LNX1: variants seen among roughly 807,000 people sequenced by gnomAD.
The protein encoded by LNX1 is ligand of numb-protein X 1.
A neutral mutation model predicts 68.4 loss-of-function variants in LNX1; 54 were observed. That is an observed-to-expected ratio of 0.79 (90% CI 0.63 to 0.99). LNX1 has a LOEUF of 0.99. Among genes scored for constraint, LNX1 ranks in the 50% least tolerant of loss-of-function variants. The probability of loss-of-function intolerance (pLI) is 0.00; values close to 1 mark genes in which losing one functional copy is unlikely to be tolerated. For synonymous variants in LNX1, 336 were observed against 350.0 expected (o/e 0.96, Z 0.45); for missense variants, 906 against 926.4 (o/e 0.98, Z 0.29).
At position 53,496,481 on chromosome 4, in the gene LNX1, C is replaced by T. The variant is rs986075190; in HGVS notation, c.979-87G>A. 2.0e-6 allele frequency: 3 copies of T among 1,466,638 alleles called. No individual in the cohort carries two copies. In the African/African-American group the frequency reaches 4.2e-5, roughly 21 times the overall value. 90.9% of individuals were successfully genotyped at this position (1,466,638 alleles called of 1,614,324 possible). ...CCAGGCCCACAGAAAAGCCAGGATC[C>T]TGTCTTTAAAGACTGCTCTGCTCTC... On this transcript the variant is annotated intron_variant, in intron 5 of 10. Coordinates refer to ENST00000263925, the MANE Select transcript of LNX1 (RefSeq NM_001126328.3).
chr4:53,626,223 G>T (rs1341566361), intron 1 of LNX1, among the ~76,000 whole-genome samples: 1 of 152,090 alleles, frequency 6.6e-6, no homozygotes, highest in Non-Finnish European at 1.5e-5. Context: ...TCGTTTTCAA[G>T]GACTGAGCAG....
chr4:53,608,219 C>A (rs1253296134), intron 2 of LNX1, among the ~76,000 whole-genome samples: 2 of 152,238 alleles, frequency 1.3e-5, no homozygotes, highest in East Asian at 3.9e-4. Context: ...AACTGTGCAT[C>A]CTACAAATGT....
chr4:53,496,499 C>G (rs1386850559), intron 5 of LNX1, 105 bp from the exon 6 acceptor site: 15 of 1,357,078 alleles, frequency 1.1e-5, no homozygotes, highest in African/African-American at 1.5e-5. Flanking sequence ...AAAGACTGCT[C>G]TGCTCTCCCA....
chr4:53,514,801 G>A (rs548862005), intron 2 of LNX1, among the ~76,000 whole-genome samples: 1 of 152,270 alleles, frequency 6.6e-6, no homozygotes, highest in Admixed American at 6.5e-5. Flanking sequence ...TACCATCTCT[G>A]TACTCAGACT....
intron 2 of LNX1, among the ~76,000 whole-genome samples, chr4:53,605,021 G>A (rs1197951611): frequency 3.3e-5 from 5 of 152,120 alleles, no homozygotes; most frequent in African/African-American, 9.7e-5. Flanking sequence ...CTTGGAGTCC[G>A]CATTAGCATA....
At chr4:53,513,617 A>T (rs1193139569) in intron 2 of LNX1, among the ~76,000 whole-genome samples, 1 of 152,222 alleles carries the variant, frequency 6.6e-6, no homozygotes, top group Non-Finnish European at 1.5e-5. Flanking sequence ...TCTCAGATTC[A>T]TCCTTGATTT....
At chr4:53,600,834 G>A (rs1732970358) in intron 2 of LNX1, among the ~76,000 whole-genome samples, 3 of 150,548 alleles carry the variant, frequency 2.0e-5, no homozygotes, top group African/African-American at 7.3e-5. Flanking sequence ...GGGTTCAAGC[G>A]ATTTTCCTGC....
At chr4:53,541,694 C>T (rs1056973617) in intron 2 of LNX1, among the ~76,000 whole-genome samples, 8 of 151,940 alleles carry the variant, frequency 5.3e-5, no homozygotes, top group Non-Finnish European at 8.8e-5. Context: ...CAAAACAGAA[C>T]GACTTAATAC....
At chr4:53,524,404 T>C (rs1250502533) in intron 2 of LNX1, 2 of 152,210 alleles carry the variant, frequency 1.3e-5, no homozygotes, top group Non-Finnish European at 2.9e-5. Flanking sequence ...TCTATCACTT[T>C]TAATACTCGC....
intron 4 of LNX1, among the ~76,000 whole-genome samples, chr4:53,505,529 G>C (rs1422075368): frequency 1.3e-5 from 2 of 152,164 alleles, no homozygotes; most frequent in Non-Finnish European, 2.9e-5. Flanking sequence ...TGGGATTACA[G>C]GAGTAAGCCA....
Position 53,576,083 on chromosome 4 carries a change from G to A in LNX1, c.-86-1995C>T, listed in dbSNP as rs192710259. ...CTCTGCATCCCCCAAGACCTGGTCG[G>A]GGACTTGGCCAGCGTGGTATTTGGG... On this transcript the variant is annotated intron_variant, in intron 1 of 10. Coordinates refer to ENST00000263925, the MANE Select transcript of LNX1 (RefSeq NM_001126328.3). 3.0e-4 allele frequency: 463 copies of A among 1,553,628 alleles called. 1 individual carries two copies. The East Asian group carries it at 9.2e-3, about 31-fold the overall frequency.
chr4:53,539,674 C>G (rs769353726), intron 2 of LNX1, among the ~76,000 whole-genome samples: 44 of 152,352 alleles, frequency 2.9e-4, no homozygotes, highest in Admixed American at 7.8e-4. Context: ...TTTGTTCTAA[C>G]TTGTTTAATG....
intron 2 of LNX1, among the ~76,000 whole-genome samples, chr4:53,509,663 C>G (rs1023504990): frequency 2.0e-5 from 3 of 152,186 alleles, no homozygotes; most frequent in African/African-American, 7.2e-5. Context: ...TTAAAGTCGT[C>G]ATGGTATCTA....
At position 53,498,774 on chromosome 4, in the gene LNX1, G is replaced by A. The variant is rs1725260047; in HGVS notation, c.845C>T (p.Pro282Leu). The A allele has an allele frequency of 6.2e-7, 1 of 1,614,012 alleles. No individual in the cohort carries two copies. The highest frequency in any genetic ancestry group is 8.5e-7 in the Non-Finnish European group (1 of 1,179,924). Residue 282 changes from proline (P) to leucine (L), a missense_variant, in exon 5 of 11, where the codon CCC becomes CTC. Physicochemically the swap from Pro to Leu is moderately conservative, Grantham distance 98 (BLOSUM62 -3). Coordinates refer to ENST00000263925, the MANE Select transcript of LNX1 (RefSeq NM_001126328.3). ...ITSIKINRVDPSESLSIRLVG... is the reference protein window; with the variant it reads ...ITSIKINRVDLSESLSIRLVG... ...CAGCCTAATAGAGAGGCTTTCACTGGGATCTACTCGATTGATCTTGATGCT... is the reference window on the plus strand; with the variant it reads ...CAGCCTAATAGAGAGGCTTTCACTGAGATCTACTCGATTGATCTTGATGCT...
At chr4:53,497,771 G>C (rs1322186862) in intron 5 of LNX1, among the ~76,000 whole-genome samples, 1 of 152,178 alleles carries the variant, frequency 6.6e-6, no homozygotes, top group Non-Finnish European at 1.5e-5. Context: ...GCTCCACCTC[G>C]GAGGCCAGCA....
At chr4:53,631,093 T>C (rs1346097067) in intron 1 of LNX1, among the ~76,000 whole-genome samples, 2 of 151,906 alleles carry the variant, frequency 1.3e-5, no homozygotes, top group Non-Finnish European at 2.9e-5. Flanking sequence ...TAGAGAAGTG[T>C]GTGTGAGGGA....
intron 1 of LNX1, among the ~76,000 whole-genome samples, chr4:53,627,556 C>G (rs1439580872): frequency 6.6e-6 from 1 of 152,002 alleles, no homozygotes; most frequent in Non-Finnish European, 1.5e-5. Flanking sequence ...AATTGATGCC[C>G]CCTAACTCTA....
chr4:53,505,090 T>C (rs1392797405), intron 4 of LNX1, among the ~76,000 whole-genome samples: 9 of 152,124 alleles, frequency 5.9e-5, no homozygotes, highest in Admixed American at 1.3e-4. Context: ...AAAATAAAAA[T>C]GAGGTATGCT....
chr4:53,559,832 A>G (rs1255405193), intron 2 of LNX1, among the ~76,000 whole-genome samples: 11 of 149,660 alleles, frequency 7.3e-5, no homozygotes, highest in Non-Finnish European at 1.5e-4. Context: ...AAAAAAAATT[A>G]AAATCTTTTT....
Sources: allele counts gnomAD v4.1 joint callset (sites outside exome capture counted in the v4.1 genomes callset), GRCh38; gene constraint gnomAD v4.1.1; transcripts MANE v1.5; gene names NCBI Gene and HGNC (gene_info 2026-07-23, HGNC 2026-07-21).